Variants in SNAP91 observed in about 807,000 individuals in gnomAD.
SNAP91 encodes synaptosome associated protein 91, also known as clathrin coat assembly protein AP180.
A neutral mutation model predicts 100.3 loss-of-function variants in SNAP91; 27 were observed. That is an observed-to-expected ratio of 0.27 (90% confidence interval 0.20 to 0.37). SNAP91 has a LOEUF of 0.37. Among genes scored for constraint, SNAP91 ranks in the 10% least tolerant of loss-of-function variants. The pLI is 1.00. For synonymous variants in SNAP91, 404 were observed against 398.6 expected, an observed-to-expected ratio of 1.01 and a Z score of -0.16; for missense variants, 986 against 1,123.7, an observed-to-expected ratio of 0.88 and a Z score of 1.75.
At chr6:83,668,430 C>T (rs1285369295) in intron 2 of SNAP91, among the ~76,000 whole-genome samples, 1 of 152,204 alleles carries the variant, frequency 6.6e-6, no homozygotes, top group Non-Finnish European at 1.5e-5. Context: ...GGAACCAACC[C>T]GAATGTCCAT....
At chr6:83,691,644 C>T (rs181144547) in intron 2 of SNAP91, among the ~76,000 whole-genome samples, 114 of 152,214 alleles carry the variant, frequency 7.5e-4, no homozygotes, top group Non-Finnish European at 1.4e-3. Flanking sequence ...GAATAGTATA[C>T]GATGCTGACC....
At chr6:83,646,315 G>A (rs1585400308) in intron 7 of SNAP91, among the ~76,000 whole-genome samples, 1 of 152,178 alleles carries the variant, frequency 6.6e-6, no homozygotes, top group Non-Finnish European at 1.5e-5. Context: ...AGGTCATTTA[G>A]GTTTTCTCCT....
chr6:83,612,915 T>C (rs928839633), intron 11 of SNAP91, among the ~76,000 whole-genome samples: 1 of 90,214 alleles, frequency 1.1e-5, no homozygotes, highest in African/African-American at 3.9e-5. Flanking sequence ...AAAAAAAATA[T>C]CAACAGCTTT....
At chr6:83,683,575 A>G (rs763762537) in intron 2 of SNAP91, among the ~76,000 whole-genome samples, 6 of 152,192 alleles carry the variant, frequency 3.9e-5, no homozygotes, top group Non-Finnish European at 5.9e-5. Context: ...GGTCCCGACC[A>G]GAAGCAGGTG....
At chr6:83,659,220 G>T (rs1442990531) in intron 5 of SNAP91, 128 bp from the exon 6 acceptor site, 3 of 679,988 alleles carry the variant, frequency 4.4e-6, no homozygotes, top group Non-Finnish European at 7.4e-6. Context: ...TCAATTTGAG[G>T]TATTACAAGG....
At chr6:83,665,248 C>A (rs2128766358) in intron 3 of SNAP91, among the ~76,000 whole-genome samples, 191 bp downstream of exon 3, 1 of 152,096 alleles carries the variant, frequency 6.6e-6, no homozygotes, top group Middle Eastern at 3.4e-3. Context: ...AAGACAATGT[C>A]TAACTTAAAG....
chr6:83,647,496 T>C (rs1189590888), intron 7 of SNAP91, among the ~76,000 whole-genome samples: 2 of 152,204 alleles, frequency 1.3e-5, no homozygotes, highest in Non-Finnish European at 2.9e-5. Context: ...ATTAATTGAT[T>C]TTCAAATGTT....
In SNAP91 at chr6:83,554,058, G is replaced by GT. The variant is rs1368055225; in HGVS notation, c.*237dup. ...GTAACATCCATTCATTGTTTACATC[G>GT]TACAATACACAAATAATCCAAATAC... On this transcript the variant is annotated 3_prime_UTR_variant, in exon 30 of 30. Transcript: ENST00000369694. 1 of 156,574 alleles carries GT rather than the reference G, an allele frequency of 6.4e-6. No individual in the cohort carries two copies. Among genetic ancestry groups the GT allele is most frequent in the African/African-American group, 2.4e-5 (1 of 41,508 alleles). The allele number at this position is 156,574 out of a possible 1,614,324, so 9.7% of individuals were successfully genotyped here. A position where few individuals can be genotyped will look rare whatever the true frequency, so the allele number is the denominator to read the frequency against.
chr6:83,577,650 G>T (rs1310851555), intron 24 of SNAP91, among the ~76,000 whole-genome samples: 1 of 152,150 alleles, frequency 6.6e-6, no homozygotes, highest in Non-Finnish European at 1.5e-5. Context: ...GGGAAGAGAG[G>T]AAACTGTGAT....
intron 26 of SNAP91, among the ~76,000 whole-genome samples, chr6:83,573,892 G>T (rs1416932744): frequency 6.6e-6 from 1 of 152,170 alleles, no homozygotes; most frequent in Non-Finnish European, 1.5e-5. Context: ...ATAGGCATGG[G>T]CAAGGACTTC....
chr6:83,708,789 G>A (rs2099415413), intron 1 of SNAP91, 56 bp downstream of exon 1: 1 of 152,072 alleles, frequency 6.6e-6, no homozygotes, highest in Non-Finnish European at 1.5e-5. Context: ...ATCCTCTGCG[G>A]ATCCCCGCGA....
intron 2 of SNAP91, among the ~76,000 whole-genome samples, chr6:83,705,085 C>T (rs1015671829): frequency 2.6e-5 from 4 of 152,114 alleles, no homozygotes; most frequent in African/African-American, 9.7e-5. Context: ...TCAGGTTTTC[C>T]ATATCATCTT....
intron 8 of SNAP91, among the ~76,000 whole-genome samples, chr6:83,624,810 C>T (rs1389592886): frequency 1.3e-5 from 2 of 152,122 alleles, no homozygotes; most frequent in East Asian, 3.8e-4. Flanking sequence ...CTTAATCTCT[C>T]TGGATCAAAT....
intron 2 of SNAP91, chr6:83,686,176 G>GT (rs1027760131): frequency 5.1e-6 from 5 of 985,156 alleles, no homozygotes; most frequent in African/African-American, 3.5e-5. Context: ...AATCAACACT[G>GT]TTTTTTGTTT....
At chr6:83,637,335 G>C (rs1036265371) in intron 8 of SNAP91, among the ~76,000 whole-genome samples, 33 of 152,174 alleles carry the variant, frequency 2.2e-4, no homozygotes, top group African/African-American at 7.5e-4. Context: ...CTAACTCTTG[G>C]GGGGCCCACT....
intron 9 of SNAP91, among the ~76,000 whole-genome samples, chr6:83,619,113 C>CAA (rs200578794): frequency 4.0e-4 from 60 of 148,878 alleles, no homozygotes; most frequent in East Asian, 1.2e-3. Context: ...GTAGAAGTCA[C>CAA]AAAAAAAAAA....
At chr6:83,641,339 T>A (rs973253231) in intron 7 of SNAP91, 137 bp from the exon 8 acceptor site, 9 of 485,294 alleles carry the variant, frequency 1.9e-5, no homozygotes, top group African/African-American at 1.8e-4. Flanking sequence ...ATATGAGGTA[T>A]TAAGGCACCT....
intron 24 of SNAP91, among the ~76,000 whole-genome samples, chr6:83,576,616 G>C (rs963513993): frequency 6.6e-6 from 1 of 152,176 alleles, no homozygotes; most frequent in African/African-American, 2.4e-5. Flanking sequence ...TGGGTGAAGA[G>C]TGTGTTCTTC....
At chr6:83,660,956 T>A (rs1466711602) in intron 5 of SNAP91, among the ~76,000 whole-genome samples, 2 of 151,996 alleles carry the variant, frequency 1.3e-5, no homozygotes, top group African/African-American at 4.8e-5. Context: ...TTTGTTTAAT[T>A]TTTAGTAGAG....
Sources: allele counts gnomAD v4.1 joint callset (sites outside exome capture counted in the v4.1 genomes callset), GRCh38; gene constraint gnomAD v4.1.1; transcripts MANE v1.5; gene names NCBI Gene and HGNC (gene_info 2026-07-23, HGNC 2026-07-21).